KCNC2: variants seen among roughly 807,000 people sequenced by gnomAD.
KCNC2 encodes voltage-gated potassium channel KCNC2.
A neutral mutation model predicts 44.5 loss-of-function variants in KCNC2; 21 were observed. That is an observed-to-expected ratio of 0.47 (90% CI 0.33 to 0.68). KCNC2 has a LOEUF of 0.68. Among genes scored for constraint, KCNC2 ranks in the 30% least tolerant of loss-of-function variants. The probability of loss-of-function intolerance (pLI) is 0.01; values close to 1 mark genes in which losing one functional copy is unlikely to be tolerated. For missense variants in KCNC2, 589 were observed against 826.2 expected (o/e 0.71, Z 3.52); for synonymous variants, 391 against 339.1 (o/e 1.15, Z -1.68).
At chr12:75,168,652 A>G (rs1891613902) in intron 2 of KCNC2, among the ~76,000 whole-genome samples, 1 of 151,562 alleles carries the variant, frequency 6.6e-6, no homozygotes, top group Non-Finnish European at 1.5e-5. Context: ...TCTATTTCTT[A>G]CCATACCAAA....
At chr12:75,081,972 T>G (rs563824357) in intron 2 of KCNC2, among the ~76,000 whole-genome samples, 1 of 152,114 alleles carries the variant, frequency 6.6e-6, no homozygotes, top group South Asian at 2.1e-4. Flanking sequence ...GATTCCAGTT[T>G]CCTACTTGTA....
chr12:75,207,201 C>T lies in KCNC2; in HGVS notation c.687+96G>A, dbSNP rs2446318. 3.4e-6 allele frequency: 5 copies of T among 1,477,512 alleles called. No individual in the cohort carries two copies. The highest frequency in any genetic ancestry group is 2.2e-4 in the Middle Eastern group (1 of 4,520). The allele number at this position is 1,477,512 out of a possible 1,614,324, so 91.5% of individuals were successfully genotyped here. ...AGGAAATCCCGGGTCTCTTCTACCCCCCATGCCTGAGGCCCTGGGGTGGAA... is the reference window on the plus strand; with the variant it reads ...AGGAAATCCCGGGTCTCTTCTACCCTCCATGCCTGAGGCCCTGGGGTGGAA... On this transcript the variant is annotated intron_variant, in intron 2 of 4. Transcript: ENST00000549446. This position sits in a 1 kb window ranked among gnomAD's most constrained non-coding sequence, Gnocchi z 4.1.
chr12:75,157,261 T>C (rs372916131), intron 2 of KCNC2, among the ~76,000 whole-genome samples: 2 of 151,994 alleles, frequency 1.3e-5, no homozygotes, highest in East Asian at 3.9e-4. Context: ...CTTCTGCATT[T>C]TGTCCTTAGT....
At position 75,112,254 on chromosome 12, in the gene KCNC2, A is replaced by C. The variant is rs563569180; in HGVS notation, c.688-60937T>G. On this transcript the variant is annotated intron_variant, in intron 2 of 4. Transcript: ENST00000549446. ...ATTCAGAATTCACAAATTATTCTCC[A>C]ACTATTAAATATAAAGAAAAAAATA... Among the ~76,000 whole-genome samples, 3 of 151,838 alleles carry C rather than the reference A, an allele frequency of 2.0e-5. No homozygotes were observed. The South Asian group carries it at 6.2e-4, about 31-fold the overall frequency.
chr12:75,062,186 G>A (rs1446122140), intron 2 of KCNC2, among the ~76,000 whole-genome samples: 1 of 151,950 alleles, frequency 6.6e-6, no homozygotes, highest in Non-Finnish European at 1.5e-5. Flanking sequence ...TGGAGTCAAA[G>A]CCCTCTTCTT....
At chr12:75,075,816 T>C (rs571955478) in intron 2 of KCNC2, among the ~76,000 whole-genome samples, 42 of 152,228 alleles carry the variant, frequency 2.8e-4, no homozygotes, top group African/African-American at 9.1e-4. Context: ...TTTCAAGATA[T>C]TGTTTTACAA....
chr12:75,058,510 A>G (rs560916504), intron 2 of KCNC2, among the ~76,000 whole-genome samples: 1 of 152,116 alleles, frequency 6.6e-6, no homozygotes, highest in South Asian at 2.1e-4. Flanking sequence ...ATCCAAAAAT[A>G]TTTGTTTTTA....
rs1313998973 is a variant in KCNC2, at chr12:75,201,262, G to GAAAAAAAAAAAAAAAA, written c.687+6019_687+6034dup. Among the ~76,000 whole-genome samples, 13 of 18,468 alleles carry GAAAAAAAAAAAAAAAA rather than the reference G, an allele frequency of 7.0e-4. 4 individuals are homozygous for GAAAAAAAAAAAAAAAA. Among genetic ancestry groups the GAAAAAAAAAAAAAAAA allele is most frequent in the African/African-American group, 1.4e-3 (7 of 4,978 alleles). 12.1% of individuals were successfully genotyped at this position (18,468 alleles called of 152,430 possible). On this transcript the variant is annotated intron_variant, in intron 2 of 4. Transcript: ENST00000549446. The stretch of plus-strand genomic sequence containing the variant: ...GGGCAGAAAGTTACAAACGAAATTG[G>GAAAAAAAAAAAAAAAA]AAAAAAAAAAAAAAAAAAAAAAAAA...
intron 2 of KCNC2, among the ~76,000 whole-genome samples, chr12:75,133,355 G>A (rs2084686162): frequency 6.6e-6 from 1 of 151,414 alleles, no homozygotes; most frequent in South Asian, 2.1e-4. Flanking sequence ...ATTACAAATT[G>A]TATGCTTGTA....
intron 2 of KCNC2, among the ~76,000 whole-genome samples, chr12:75,052,454 A>G (rs1442736369): frequency 1.3e-5 from 2 of 152,116 alleles, no homozygotes; most frequent in African/African-American, 4.8e-5. Context: ...GTTTGAATGA[A>G]TGGCACTGTT....
At chr12:75,159,328 C>T (rs974274288) in intron 2 of KCNC2, among the ~76,000 whole-genome samples, 4 of 151,752 alleles carry the variant, frequency 2.6e-5, no homozygotes, top group African/African-American at 9.7e-5. Context: ...GAGCTGCAAG[C>T]TGCAAAACAG....
At chr12:75,173,250 C>T (rs922422715) in intron 2 of KCNC2, among the ~76,000 whole-genome samples, 5 of 151,654 alleles carry the variant, frequency 3.3e-5, no homozygotes, top group Non-Finnish European at 7.4e-5. Flanking sequence ...TAGTTAAATC[C>T]AAGTCAATTA....
chr12:75,156,773 C>T (rs1890788108), intron 2 of KCNC2, among the ~76,000 whole-genome samples: 1 of 151,746 alleles, frequency 6.6e-6, no homozygotes, highest in African/African-American at 2.4e-5. Context: ...TGCAGCCTAC[C>T]ATTTCTATAA....
At chr12:75,176,441 C>A (rs947646105) in intron 2 of KCNC2, among the ~76,000 whole-genome samples, 1 of 151,900 alleles carries the variant, frequency 6.6e-6, no homozygotes, top group Non-Finnish European at 1.5e-5. Context: ...GAAGTCCTTG[C>A]AATGGACTAC....
intron 2 of KCNC2, among the ~76,000 whole-genome samples, chr12:75,109,523 T>C (rs1244235282): frequency 1.3e-5 from 2 of 152,164 alleles, no homozygotes; most frequent in Non-Finnish European, 2.9e-5. Context: ...TTAACTGTCT[T>C]TGATGCTAAA....
Position 75,166,067 on chromosome 12 carries a change from T to A in KCNC2, c.687+41230A>T, listed in dbSNP as rs1891430831. On this transcript the variant is annotated intron_variant, in intron 2 of 4. Transcript: ENST00000549446. ...GAAAGTAAAGAATGGAAAAAATATATACCACATACCATGCAAATAGCAATC... is the reference window on the plus strand; with the variant it reads ...GAAAGTAAAGAATGGAAAAAATATAAACCACATACCATGCAAATAGCAATC... Among the ~76,000 whole-genome samples, 4 of 151,254 alleles carry A rather than the reference T, an allele frequency of 2.6e-5. No homozygotes were observed. In the South Asian group the frequency reaches 8.3e-4, roughly 31 times the overall value.
intron 2 of KCNC2, among the ~76,000 whole-genome samples, chr12:75,141,817 A>C (rs1001902152): frequency 6.6e-6 from 1 of 152,158 alleles, no homozygotes; most frequent in Non-Finnish European, 1.5e-5. Context: ...ACATGCTTTG[A>C]AGCATCATCT....
intron 2 of KCNC2, among the ~76,000 whole-genome samples, chr12:75,186,048 A>AAAAT (rs371301482): frequency 0.19 from 27,364 of 142,836 alleles, 2,870 homozygotes; most frequent in African/African-American, 0.27. Flanking sequence ...CTCTGTCTCA[A>AAAAT]AAATAAATAA....
At chr12:75,133,061 G>T (rs1165396776) in intron 2 of KCNC2, among the ~76,000 whole-genome samples, 1 of 151,888 alleles carries the variant, frequency 6.6e-6, no homozygotes, top group Non-Finnish European at 1.5e-5. Flanking sequence ...AAAAATCGAT[G>T]ATAGACTTTA....
Sources: allele counts gnomAD v4.1 joint callset (sites outside exome capture counted in the v4.1 genomes callset), GRCh38; gene constraint gnomAD v4.1.1; non-coding constraint Gnocchi (gnomAD v3.1); transcripts MANE v1.5; gene names NCBI Gene and HGNC (gene_info 2026-07-23, HGNC 2026-07-21).